SGCZ: variants seen among roughly 807,000 people sequenced by gnomAD.
SGCZ encodes the protein zeta-sarcoglycan.
Under a neutral mutation model 41.3 loss-of-function variants are expected in SGCZ, and 40 were observed. The ratio of observed to expected loss-of-function variants is 0.97; its 90% CI spans 0.75 to 1.26. The LOEUF (loss-of-function observed/expected upper bound fraction) is 1.26, where lower values mean the gene tolerates loss of function less well. Among genes scored for constraint, SGCZ ranks in the 50% most tolerant of loss-of-function variants. SGCZ has a pLI of 0.00. For synonymous variants in SGCZ, 206 were observed against 137.5 expected (o/e 1.50, Z -3.49); for missense variants, 552 against 369.8 (o/e 1.49, Z -4.04).
chr8:14,358,457 G>A (rs1031967278), intron 2 of SGCZ, among the ~76,000 whole-genome samples: 6 of 151,970 alleles, frequency 3.9e-5, no homozygotes, highest in African/African-American at 1.2e-4. Context: ...AGATGGTAAC[G>A]CAATGTATGG....
chr8:14,788,474 T>C (rs752890215), intron 1 of SGCZ, among the ~76,000 whole-genome samples: 2 of 152,154 alleles, frequency 1.3e-5, no homozygotes, highest in Non-Finnish European at 2.9e-5. Context: ...TGAAATTTTG[T>C]TGGGGCAGCT....
chr8:14,573,118 A>G (rs544030533), intron 1 of SGCZ, among the ~76,000 whole-genome samples: 1 of 151,872 alleles, frequency 6.6e-6, no homozygotes, highest in African/African-American at 2.4e-5. Flanking sequence ...ACCACTTCAG[A>G]TAGCAAATAA....
intron 5 of SGCZ, among the ~76,000 whole-genome samples, chr8:14,130,152 T>C (rs570024661): frequency 5.3e-5 from 8 of 152,186 alleles, no homozygotes; most frequent in South Asian, 4.2e-4. Context: ...TAGAATAAAA[T>C]TGAAATTAAA....
At chr8:14,255,291 T>C (rs1799421373) in intron 3 of SGCZ, among the ~76,000 whole-genome samples, 1 of 152,216 alleles carries the variant, frequency 6.6e-6, no homozygotes, top group African/African-American at 2.4e-5. Flanking sequence ...TCTTAGGTTG[T>C]TGATCTATCC....
At chr8:14,625,354 G>A (rs777445196) in intron 1 of SGCZ, among the ~76,000 whole-genome samples, 15 of 152,164 alleles carry the variant, frequency 9.9e-5, no homozygotes, top group South Asian at 6.2e-4. Flanking sequence ...TGGTTCAAAC[G>A]ACAGTCCTTT....
At chr8:14,344,945 G>C (rs1375462543) in intron 2 of SGCZ, among the ~76,000 whole-genome samples, 2 of 151,862 alleles carry the variant, frequency 1.3e-5, no homozygotes, top group Admixed American at 6.6e-5. Flanking sequence ...AACTAATTTA[G>C]GGCAAAATTT....
intron 1 of SGCZ, among the ~76,000 whole-genome samples, chr8:14,646,833 T>C (rs1807237983): frequency 6.6e-6 from 1 of 152,008 alleles, no homozygotes; most frequent in South Asian, 2.1e-4. Flanking sequence ...CACCAGGAAC[T>C]GGGAAGCTAA....
intron 1 of SGCZ, among the ~76,000 whole-genome samples, chr8:14,857,879 G>A (rs1476026122): frequency 6.6e-6 from 1 of 151,720 alleles, no homozygotes; most frequent in African/African-American, 2.4e-5. Flanking sequence ...CAAAAGAAAA[G>A]GAAAGAAAAG....
intron 1 of SGCZ, among the ~76,000 whole-genome samples, chr8:14,780,894 A>G (rs900952972): frequency 6.6e-6 from 1 of 152,212 alleles, no homozygotes; most frequent in African/African-American, 2.4e-5. Flanking sequence ...ACTTAAAAAA[A>G]GCAAATTTTC....
At chr8:14,371,660 C>T (rs1563286084) in intron 2 of SGCZ, among the ~76,000 whole-genome samples, 1 of 152,012 alleles carries the variant, frequency 6.6e-6, no homozygotes, top group Non-Finnish European at 1.5e-5. Flanking sequence ...ATTAATCAAT[C>T]AAAAATCAAT....
intron 3 of SGCZ, among the ~76,000 whole-genome samples, chr8:14,313,152 A>G (rs986485767): frequency 1.3e-5 from 2 of 152,204 alleles, no homozygotes; most frequent in Non-Finnish European, 2.9e-5. Context: ...GCTAATGTCT[A>G]CTTCCTATGG....
intron 3 of SGCZ, among the ~76,000 whole-genome samples, chr8:14,258,049 A>T (rs1228511234): frequency 6.6e-6 from 1 of 152,124 alleles, no homozygotes; most frequent in Non-Finnish European, 1.5e-5. Flanking sequence ...ATTTTGATTG[A>T]ACTTGGACTT....
rs182929214 is a variant in SGCZ, at chr8:14,411,115, C to T, written c.235-86911G>A. On this transcript the variant is annotated intron_variant, in intron 2 of 7. Transcript: ENST00000382080. ...TGAAATTAAAATATCATTATGGCGC[C>T]AACCAATGCGTTTTGTTTCTGCTAT... 1.8e-3 allele frequency among the ~76,000 whole-genome samples: 279 copies of T among 152,068 alleles called. 2 individuals are homozygous for T. The highest frequency in any genetic ancestry group is 6.3e-3 in the African/African-American group (261 of 41,502).
chr8:14,300,313 G>A (rs1188467621), intron 3 of SGCZ, among the ~76,000 whole-genome samples: 1 of 150,720 alleles, frequency 6.6e-6, no homozygotes, highest in Non-Finnish European at 1.5e-5. Context: ...GAAGGAGGAA[G>A]GAAAGAACAA....
intron 2 of SGCZ, among the ~76,000 whole-genome samples, chr8:14,451,723 C>A (rs1421615719): frequency 6.6e-6 from 1 of 152,040 alleles, no homozygotes; most frequent in Admixed American, 6.6e-5. Flanking sequence ...ATACAAGTGG[C>A]AAGTAAGCAT....
At chr8:14,280,576 A>G (rs1800389417) in intron 3 of SGCZ, among the ~76,000 whole-genome samples, 1 of 151,956 alleles carries the variant, frequency 6.6e-6, no homozygotes, top group Non-Finnish European at 1.5e-5. Flanking sequence ...AAGCCCTTAA[A>G]TCGGAAATCT....
chr8:14,859,006 T>A lies in SGCZ; in HGVS notation c.40-304080A>T, dbSNP rs76452308. 8.6e-3 allele frequency among the ~76,000 whole-genome samples: 1,308 copies of A among 152,224 alleles called. 68 individuals carry two copies. The East Asian group carries it at 0.15, about 17-fold the overall frequency. Reference sequence around the variant, plus strand: ...AATTTTTGAAAAAAAGACCTAATATTCATATCTGAATAACTTTTCTGTCAG... The same window carrying A: ...AATTTTTGAAAAAAAGACCTAATATACATATCTGAATAACTTTTCTGTCAG... On this transcript the variant is annotated intron_variant, in intron 1 of 7. Coordinates refer to ENST00000382080, the MANE Select transcript of SGCZ (RefSeq NM_139167.4).
At chr8:14,697,887 G>GT (rs764865797) in intron 1 of SGCZ, among the ~76,000 whole-genome samples, 18 of 151,854 alleles carry the variant, frequency 1.2e-4, no homozygotes, top group Non-Finnish European at 1.5e-5. Flanking sequence ...GTTGCTTTCT[G>GT]TTTCCCTCTA....
At chr8:14,602,718 C>T (rs1055766401) in intron 1 of SGCZ, among the ~76,000 whole-genome samples, 1 of 152,046 alleles carries the variant, frequency 6.6e-6, no homozygotes, top group South Asian at 2.1e-4. Context: ...TCCTGTTATT[C>T]TATACTGTCG....
Sources: allele counts gnomAD v4.1 joint callset (sites outside exome capture counted in the v4.1 genomes callset), GRCh38; gene constraint gnomAD v4.1.1; transcripts MANE v1.5; gene names NCBI Gene and HGNC (gene_info 2026-07-23, HGNC 2026-07-21).